The following DMRT1 variants were observed in gnomAD, a reference collection of about 807,000 sequenced individuals.
DMRT1 encodes doublesex- and mab-3-related transcription factor 1.
In DMRT1, 7 loss-of-function variants were observed where a neutral mutation model predicts 32.3. The observed-to-expected ratio is 0.22, with a 90% CI of 0.12 to 0.41. The LOEUF is 0.41. Ranked by LOEUF, DMRT1 falls within the 10% of genes least tolerant of loss-of-function variation. DMRT1 has a pLI of 1.00. For missense variants in DMRT1, 625 were observed against 500.5 expected, an observed-to-expected ratio of 1.25 and a Z score of -2.37; for synonymous variants, 278 against 206.1, an observed-to-expected ratio of 1.35 and a Z score of -2.99.
intron 4 of DMRT1, among the ~76,000 whole-genome samples, chr9:918,011 A>G (rs72701005): frequency 0.027 from 4,063 of 152,332 alleles, 82 homozygotes; most frequent in Non-Finnish European, 0.043. Flanking sequence ...ATGTGTGCCC[A>G]TAGGTCCTTC....
At chr9:845,232 C>T (rs548430295) in intron 1 of DMRT1, among the ~76,000 whole-genome samples, 12 of 151,738 alleles carry the variant, frequency 7.9e-5, no homozygotes, top group South Asian at 4.2e-4. Flanking sequence ...TTTTTTGAGA[C>T]GGAGTCTTGC....
chr9:934,261 T>C (rs10977617), intron 4 of DMRT1, among the ~76,000 whole-genome samples: 11,523 of 142,398 alleles, frequency 0.081, 586 homozygotes, highest in African/African-American at 0.18. Context: ...GCCTCTTCAC[T>C]CTGTTGATAG....
chr9:852,894 T>C (rs1815221733), intron 2 of DMRT1, among the ~76,000 whole-genome samples: 2 of 152,190 alleles, frequency 1.3e-5, no homozygotes, highest in African/African-American at 4.8e-5. Context: ...GTTACTCCAC[T>C]TGGAGAGCAC....
At chr9:884,824 G>C (rs986616129) in intron 2 of DMRT1, among the ~76,000 whole-genome samples, 1 of 152,042 alleles carries the variant, frequency 6.6e-6, no homozygotes, top group Non-Finnish European at 1.5e-5. Context: ...AGAAAAATTA[G>C]CCAGGCACGG....
chr9:915,297 A>C (rs753905242), intron 3 of DMRT1, among the ~76,000 whole-genome samples: 2 of 152,226 alleles, frequency 1.3e-5, no homozygotes, highest in Non-Finnish European at 1.5e-5. Context: ...TGGGTCTTAC[A>C]CAATCAGAGT....
chr9:879,667 C>T (rs1307893830), intron 2 of DMRT1, among the ~76,000 whole-genome samples: 1 of 152,204 alleles, frequency 6.6e-6, no homozygotes, highest in African/African-American at 2.4e-5. Context: ...CAAAACCATG[C>T]TAACGAACAT....
chr9:849,345 C>G (rs904922486), intron 2 of DMRT1, among the ~76,000 whole-genome samples: 1 of 152,102 alleles, frequency 6.6e-6, no homozygotes, highest in Non-Finnish European at 1.5e-5. Flanking sequence ...CAGTTAGCAA[C>G]AATGTTAGGT....
intron 2 of DMRT1, among the ~76,000 whole-genome samples, chr9:863,299 C>CA (rs1257144356): frequency 7.2e-6 from 1 of 139,858 alleles, no homozygotes; most frequent in African/African-American, 2.7e-5. Context: ...GCCTGGGTGA[C>CA]AGAGTGAGGC....
chr9:928,648 C>T (rs1206662645), intron 4 of DMRT1, among the ~76,000 whole-genome samples: 1 of 152,062 alleles, frequency 6.6e-6, no homozygotes, highest in Admixed American at 6.5e-5. Context: ...CCCAAATCAG[C>T]CCAGTAGTTT....
intron 4 of DMRT1, among the ~76,000 whole-genome samples, chr9:946,835 G>C (rs1002942325): frequency 1.3e-5 from 2 of 152,152 alleles, no homozygotes; most frequent in African/African-American, 4.8e-5. Context: ...CTGTGCTAAT[G>C]GGTGTGTACG....
In DMRT1 at chr9:841,896, C is replaced by G. The variant is rs373343322; in HGVS notation, c.58C>G (p.Pro20Ala). ...PSTPSEAPHAPGVPPQGRAGG... is the reference protein window; with the variant it reads ...PSTPSEAPHAAGVPPQGRAGG... ...TACACCGTCGGAAGCCCCTCACGCC[C>G]CCGGGGTACCGCCGCAGGGCAGAGC... Residue 20 changes from proline to alanine, a missense_variant, in exon 1 of 5, where the codon CCC (proline) becomes GCC (alanine). Transcript: ENST00000382276. 1.7e-5 allele frequency: 28 copies of G among 1,611,608 alleles called. No homozygotes were observed. The highest frequency in any genetic ancestry group is 2.2e-5 in the Non-Finnish European group (26 of 1,179,118).
chr9:844,737 T>TGG (rs1838830586), intron 1 of DMRT1, among the ~76,000 whole-genome samples: 1 of 135,272 alleles, frequency 7.4e-6, no homozygotes, highest in Non-Finnish European at 1.6e-5. Flanking sequence ...TTTTTTTTTT[T>TGG]GAGACAGGAG....
At chr9:899,910 G>C (rs1174536456) in intron 3 of DMRT1, among the ~76,000 whole-genome samples, 1 of 152,182 alleles carries the variant, frequency 6.6e-6, no homozygotes, top group Non-Finnish European at 1.5e-5. Flanking sequence ...GCCACGTTTA[G>C]GGTGTGGCCA....
At chr9:860,406 GAATTC>G (rs148619695) in intron 2 of DMRT1, among the ~76,000 whole-genome samples, 47,883 of 151,914 alleles carry the variant, frequency 0.32, 9,299 homozygotes, top group Non-Finnish European at 0.44. Context: ...GAATTGAATT[GAATTC>G]ATCTCTGCTG....
rs1205715202 is a variant in DMRT1 at position 863,250 on chromosome 9, C to G, written c.538+16107C>G. Among the ~76,000 whole-genome samples the G allele has an allele frequency of 2.0e-5, 3 of 148,464 alleles. No individual in the cohort carries two copies. The East Asian group carries it at 6.0e-4, about 30-fold the overall frequency. ...GGAGGATTGCCTGACCCCAGGATTTCAAGGCTGCAGTGAACAGTGATCATG... is the reference window on the plus strand; with the variant it reads ...GGAGGATTGCCTGACCCCAGGATTTGAAGGCTGCAGTGAACAGTGATCATG... On this transcript the variant is annotated intron_variant, in intron 2 of 4. Transcript: ENST00000382276.
intron 2 of DMRT1, among the ~76,000 whole-genome samples, chr9:861,357 C>T (rs186035299): frequency 1.3e-5 from 2 of 152,152 alleles, no homozygotes; most frequent in Admixed American, 6.5e-5. Flanking sequence ...GGACACAGCA[C>T]ATGTTTCAGA....
rs780064237 is a variant in DMRT1 at position 842,230 on chromosome 9, G to GTTTTTTTTTTTTTTT, written c.354+47_354+61dup. The GTTTTTTTTTTTTTTT allele has an allele frequency of 3.6e-5, 45 of 1,267,064 alleles. 1 individual carries two copies. In the African/African-American group the frequency reaches 9.0e-4, roughly 25 times the overall value. 78.5% of individuals were successfully genotyped at this position (1,267,064 alleles called of 1,614,324 possible). ...GTGCGGGAGCCCGGGTTCAGCCTTA[G>GTTTTTTTTTTTTTTT]TTTTTTTTTTTTTTTTTTTTTTTAG... On this transcript the variant is annotated intron_variant, in intron 1 of 4. Coordinates refer to ENST00000382276, the MANE Select transcript of DMRT1 (RefSeq NM_021951.3).
intron 4 of DMRT1, among the ~76,000 whole-genome samples, chr9:932,797 A>C (rs965477279): frequency 2.6e-5 from 4 of 152,210 alleles, no homozygotes; most frequent in Non-Finnish European, 5.9e-5. Context: ...CACAGAACTC[A>C]GAAAGTGCTT....
chr9:873,838 A>G (rs1201559390), intron 2 of DMRT1, among the ~76,000 whole-genome samples: 2 of 152,212 alleles, frequency 1.3e-5, no homozygotes, highest in Non-Finnish European at 2.9e-5. Flanking sequence ...AGAACAGACA[A>G]TGCATAGATT....
Sources: gnomAD v4.1 joint callset for allele counts (sites outside exome capture counted in the v4.1 genomes callset) on GRCh38, gnomAD v4.1.1 for gene constraint, MANE v1.5 for transcripts, NCBI Gene and HGNC (gene_info 2026-07-23, HGNC 2026-07-21) for gene names.